CNTNAP2: variants seen among roughly 807,000 people sequenced by gnomAD.
CNTNAP2 encodes contactin-associated protein-like 2.
Under a neutral mutation model 155.2 loss-of-function variants are expected in CNTNAP2, and 98 were observed. That is an observed-to-expected ratio of 0.63 (90% CI 0.54 to 0.75). The LOEUF (loss-of-function observed/expected upper bound fraction) is 0.75, where lower values mean the gene tolerates loss of function less well. Among genes scored for constraint, CNTNAP2 ranks in the 30% least tolerant of loss-of-function variants. CNTNAP2 has a pLI of 0.00. For missense variants in CNTNAP2, 1,727 were observed against 1,688.1 expected (o/e 1.02, Z -0.40); for synonymous variants, 651 against 631.2 (o/e 1.03, Z -0.47).
chr7:146,783,041 G>A (rs925648564), intron 2 of CNTNAP2, among the ~76,000 whole-genome samples: 1 of 151,950 alleles, frequency 6.6e-6, no homozygotes, highest in Non-Finnish European at 1.5e-5. Context: ...CAGTATTTTT[G>A]GGGTGTTAAG....
intron 13 of CNTNAP2, among the ~76,000 whole-genome samples, chr7:147,669,832 C>T (rs780822019): frequency 3.9e-5 from 6 of 152,194 alleles, no homozygotes; most frequent in Non-Finnish European, 8.8e-5. Flanking sequence ...TGGACTCCCC[C>T]CTAATATTTA....
At chr7:147,297,054 C>A (rs1794832211) in intron 8 of CNTNAP2, among the ~76,000 whole-genome samples, 1 of 152,118 alleles carries the variant, frequency 6.6e-6, no homozygotes, top group African/African-American at 2.4e-5. Context: ...TTTCCAGGAA[C>A]ATCTATTGAC....
At chr7:146,872,319 T>G (rs936069548) in intron 3 of CNTNAP2, among the ~76,000 whole-genome samples, 5 of 152,124 alleles carry the variant, frequency 3.3e-5, no homozygotes, top group Non-Finnish European at 7.4e-5. Flanking sequence ...TAGAATTATT[T>G]TTTTCTGGTT....
At chr7:146,858,726 TTAGC>T (rs561135540) in intron 3 of CNTNAP2, among the ~76,000 whole-genome samples, 26 of 152,278 alleles carry the variant, frequency 1.7e-4, no homozygotes, top group African/African-American at 6.3e-4. Flanking sequence ...ACTATAAAAT[TTAGC>T]TACCCCATAT....
At chr7:146,936,396 A>G (rs532386833) in intron 3 of CNTNAP2, among the ~76,000 whole-genome samples, 2 of 152,240 alleles carry the variant, frequency 1.3e-5, no homozygotes, top group African/African-American at 4.8e-5. Flanking sequence ...CATCTACTCA[A>G]TCCTCATTCC....
intron 17 of CNTNAP2, among the ~76,000 whole-genome samples, chr7:148,153,020 CAAAAAAAAAAAAAA>C (rs373499312): frequency 1.3e-4 from 3 of 22,664 alleles, no homozygotes; most frequent in Admixed American, 7.3e-4. Context: ...GACTCCGTCT[CAAAAAAAAAAAAAA>C]AAAAAAAAAA....
intron 1 of CNTNAP2, among the ~76,000 whole-genome samples, chr7:146,719,387 T>C (rs1454649918): frequency 6.6e-6 from 1 of 152,194 alleles, no homozygotes; most frequent in East Asian, 1.9e-4. Context: ...GTTGAAAATA[T>C]TGAGAGAAGT....
At chr7:147,289,686 G>T (rs1236667084) in intron 8 of CNTNAP2, among the ~76,000 whole-genome samples, 1 of 152,140 alleles carries the variant, frequency 6.6e-6, no homozygotes, top group African/African-American at 2.4e-5. Context: ...TTTTGGCTAG[G>T]AATCAGTAAT....
intron 18 of CNTNAP2, among the ~76,000 whole-genome samples, chr7:148,184,481 A>G (rs2116708083): frequency 2.0e-5 from 3 of 152,274 alleles, no homozygotes; most frequent in Admixed American, 2.0e-4. Flanking sequence ...AGCCAATCTC[A>G]CTTTCTGTGC....
intron 1 of CNTNAP2, among the ~76,000 whole-genome samples, chr7:146,561,388 C>T (rs2129144400): frequency 6.6e-6 from 1 of 152,262 alleles, no homozygotes; most frequent in African/African-American, 2.4e-5. Context: ...GGTACAGTGG[C>T]TCACACCTGT....
intron 21 of CNTNAP2, among the ~76,000 whole-genome samples, chr7:148,317,770 G>A (rs1463651201): frequency 6.6e-6 from 1 of 151,230 alleles, no homozygotes; most frequent in Non-Finnish European, 1.5e-5. Context: ...GTGCGATCTC[G>A]GCTCACTGCA....
chr7:148,039,592 C>T (rs538265813), intron 15 of CNTNAP2, among the ~76,000 whole-genome samples: 1 of 152,196 alleles, frequency 6.6e-6, no homozygotes, highest in South Asian at 2.1e-4. Flanking sequence ...AATGGCAGGA[C>T]CAGTACCAAC....
chr7:147,726,508 T>C (rs924468767), intron 13 of CNTNAP2, among the ~76,000 whole-genome samples: 1 of 151,928 alleles, frequency 6.6e-6, no homozygotes, highest in Non-Finnish European at 1.5e-5. Flanking sequence ...GCTGTCTTTA[T>C]GTTAAGGGCA....
chr7:147,094,567 A>ATTT (rs769148177), intron 4 of CNTNAP2, among the ~76,000 whole-genome samples: 1 of 145,732 alleles, frequency 6.9e-6, no homozygotes, highest in Non-Finnish European at 1.5e-5. Context: ...ACGCCTGGCT[A>ATTT]TTTTTTTTTT....
chr7:146,259,639 T>C (rs1267178419), intron 1 of CNTNAP2, among the ~76,000 whole-genome samples: 1 of 152,080 alleles, frequency 6.6e-6, no homozygotes, highest in Non-Finnish European at 1.5e-5. Context: ...GTGGAAGAAA[T>C]TTCTAAGCAA....
chr7:146,486,047 T>A (rs1232930277), intron 1 of CNTNAP2, among the ~76,000 whole-genome samples: 1 of 5,904 alleles, frequency 1.7e-4, no homozygotes, highest in Admixed American at 2.0e-3. Flanking sequence ...CACAGCAGTC[T>A]TTTTTTTTTT....
chr7:147,619,719 G>A (rs1006156768), intron 12 of CNTNAP2, among the ~76,000 whole-genome samples: 3 of 152,190 alleles, frequency 2.0e-5, no homozygotes, highest in East Asian at 3.9e-4. Context: ...GCTGGAGGAT[G>A]GCAACTCTGG....
chr7:146,625,337 T>C (rs1799401007), intron 1 of CNTNAP2, among the ~76,000 whole-genome samples: 2 of 149,132 alleles, frequency 1.3e-5, no homozygotes, highest in South Asian at 4.2e-4. Context: ...AGGACTGGGG[T>C]ATTAGAAAAG....
At chr7:146,952,858 T>G (rs1797350411) in intron 3 of CNTNAP2, among the ~76,000 whole-genome samples, 1 of 152,068 alleles carries the variant, frequency 6.6e-6, no homozygotes, top group Admixed American at 6.6e-5. Context: ...ATTCCTCTAG[T>G]ACAAATTTTT....
Sources: allele counts gnomAD v4.1 joint callset (sites outside exome capture counted in the v4.1 genomes callset), GRCh38; gene constraint gnomAD v4.1.1; transcripts MANE v1.5; gene names NCBI Gene and HGNC (gene_info 2026-07-23, HGNC 2026-07-21).